The following MYH9 variants were observed in gnomAD, a reference collection of about 807,000 sequenced individuals.
MYH9 encodes myosin-9.
A neutral mutation model predicts 241.9 loss-of-function variants in MYH9; 29 were observed. The ratio of observed to expected loss-of-function variants is 0.12; its 90% CI spans 0.09 to 0.16. The LOEUF (loss-of-function observed/expected upper bound fraction) is 0.16, where lower values mean the gene tolerates loss of function less well. MYH9 is among the 10% of genes least tolerant of loss of function. The pLI, the probability that MYH9 is intolerant of heterozygous loss-of-function variation, is 1.00. For synonymous variants in MYH9, 1,047 were observed against 1,062.6 expected, an observed-to-expected ratio of 0.99 and a Z score of 0.29; for missense variants, 1,803 against 2,595.5, an observed-to-expected ratio of 0.69 and a Z score of 6.63.
chr22:36,292,215 T>G lies in MYH9; in HGVS notation c.4115A>C (p.Lys1372Thr). 1 of 1,614,016 alleles carries G rather than the reference T, an allele frequency of 6.2e-7. No individual in the cohort carries two copies. Among genetic ancestry groups the G allele is most frequent in the Non-Finnish European group, 8.5e-7 (1 of 1,180,034 alleles). The part of the protein sequence containing the change: ...LHAQVADMKK[K>T]MEDSVGCLET... ...CAGGCACCCCACACTGTCCTCCATC[T>G]TCTTTTTCATGTCGGCCACCTGGGC... Residue 1372 changes from lysine to threonine, a missense_variant, in exon 31 of 41, where the codon AAG (lysine) becomes ACG (threonine). Transcript: ENST00000216181.
intron 31 of MYH9, among the ~76,000 whole-genome samples, chr22:36,291,584 G>A (rs2016703930): frequency 6.8e-6 from 1 of 147,856 alleles, no homozygotes. Context: ...GGAGACCTTT[G>A]TTCACTTGTT....
chr22:36,353,612 C>G (rs1040312547), intron 1 of MYH9, among the ~76,000 whole-genome samples: 1 of 152,130 alleles, frequency 6.6e-6, no homozygotes, highest in Non-Finnish European at 1.5e-5. Context: ...CCTTGGACTC[C>G]CAGAGTGCTG....
chr22:36,291,913 T>G, intron 31 of MYH9, 73 bp downstream of exon 31: 1 of 1,608,364 alleles, frequency 6.2e-7, no homozygotes, highest in Non-Finnish European at 8.5e-7. Context: ...AGGCTTTCTC[T>G]GATGGGCCCT....
intron 7 of MYH9, among the ~76,000 whole-genome samples, chr22:36,321,516 C>T (rs570471055): frequency 2.0e-4 from 30 of 152,302 alleles, no homozygotes; most frequent in East Asian, 3.9e-4. Flanking sequence ...CCACACTAGA[C>T]GGCTTTCAAC....
rs375024579 is a variant in MYH9 at position 36,336,115 on chromosome 22, A to C, written c.490+5255T>G. Reference sequence around the variant, plus strand: ...TCAGACAAGTTTAGGCCTAGAATGAAAGCAGATCTGCTTCCCCCAAAATGC... The same window carrying C: ...TCAGACAAGTTTAGGCCTAGAATGACAGCAGATCTGCTTCCCCCAAAATGC... On this transcript the variant is annotated intron_variant, in intron 3 of 40. Transcript: ENST00000216181. Among the ~76,000 whole-genome samples, 33 of 152,314 alleles carry C rather than the reference A, an allele frequency of 2.2e-4. No homozygotes were observed. The South Asian group carries it at 2.9e-3, about 13-fold the overall frequency.
rs764827587 is a variant in MYH9 at position 36,285,694 on chromosome 22, C to G, written c.5238G>C (p.Glu1746Asp). 1.2e-6 allele frequency: 2 copies of G among 1,613,048 alleles called. No homozygotes were observed. Among genetic ancestry groups the G allele is most frequent in the East Asian group, 2.2e-5 (1 of 44,872 alleles). The change falls in exon 37 of 41, where the codon GAG becomes GAC. Residue 1746 changes from glutamate (E) to aspartate (D), a missense_variant. Transcript: ENST00000216181. The surrounding 1 kb of genome is among the most constrained non-coding windows in gnomAD (Gnocchi z 7.0). ...EELEEEQGNT[E>D]LINDRLKKAN... ...CCTTCTTCAGCCGGTCGTTGATCAGCTCCGTGTTGCCCTGCTCCTCCTCCA... is the reference window on the plus strand; with the variant it reads ...CCTTCTTCAGCCGGTCGTTGATCAGGTCCGTGTTGCCCTGCTCCTCCTCCA...
intron 3 of MYH9, among the ~76,000 whole-genome samples, chr22:36,340,973 G>A (rs1250163829): frequency 1.3e-5 from 2 of 151,982 alleles, no homozygotes; most frequent in Non-Finnish European, 2.9e-5. Flanking sequence ...TTTGTGTAGA[G>A]ATGGGAAGAA....
At chr22:36,356,933 C>T (rs2017865892) in intron 1 of MYH9, among the ~76,000 whole-genome samples, 1 of 152,246 alleles carries the variant, frequency 6.6e-6, no homozygotes, top group African/African-American at 2.4e-5. Flanking sequence ...GCAGAAACTC[C>T]TTGCTGTGTG....
At chr22:36,376,241 G>C (rs1279223236) in intron 1 of MYH9, among the ~76,000 whole-genome samples, 1 of 152,050 alleles carries the variant, frequency 6.6e-6, no homozygotes, top group African/African-American at 2.4e-5. Context: ...GATTACAGGC[G>C]TGAGCCACCG....
intron 4 of MYH9, among the ~76,000 whole-genome samples, chr22:36,326,910 G>A (rs1235270207): frequency 6.6e-6 from 1 of 152,238 alleles, no homozygotes; most frequent in Non-Finnish European, 1.5e-5. Context: ...GTCAGGGCAA[G>A]TGACTTCACA....
At chr22:36,316,434 T>C in intron 12 of MYH9, 83 bp downstream of exon 12, 2 of 1,599,432 alleles carry the variant, frequency 1.3e-6, no homozygotes, top group Non-Finnish European at 1.7e-6. Flanking sequence ...TGCAGGACCA[T>C]GAGAAGCAGG....
rs1207813150 is a variant in MYH9 at position 36,295,620 on chromosome 22, G to A, written c.3370C>T (p.Arg1124Cys). ...SELQEDLESE[R>C]ASRNKAEKQK... ...TTCTCAGCTTTATTCCTGGAAGCAC[G>A]CTCAGACTCCAGGTCTTCCTGGAGT... The change falls in exon 26 of 41, where the codon CGT becomes TGT. Residue 1124 changes from arginine to cysteine, a missense_variant. Coordinates refer to ENST00000216181, the MANE Select transcript of MYH9 (RefSeq NM_002473.6). This position sits in a 1 kb window ranked among gnomAD's most constrained non-coding sequence, Gnocchi z 4.1. The A allele has an allele frequency of 2.5e-6, 4 of 1,613,834 alleles. No individual in the cohort carries two copies. The highest frequency in any genetic ancestry group is 3.4e-6 in the Non-Finnish European group (4 of 1,179,932).
chr22:36,322,071 G>T, intron 6 of MYH9: 1 of 591,864 alleles, frequency 1.7e-6, no homozygotes, highest in South Asian at 2.0e-5. Context: ...AGGTTCCTCC[G>T]CAGAGGGGGA....
intron 1 of MYH9, among the ~76,000 whole-genome samples, chr22:36,353,003 C>T (rs1276029692): frequency 6.6e-6 from 1 of 152,116 alleles, no homozygotes; most frequent in Non-Finnish European, 1.5e-5. Context: ...TATGAAAGCC[C>T]CCTCGGCCAC....
intron 1 of MYH9, among the ~76,000 whole-genome samples, chr22:36,358,872 C>T (rs1002744790): frequency 6.6e-6 from 1 of 152,224 alleles, no homozygotes; most frequent in African/African-American, 2.4e-5. Context: ...GACAGCTCCA[C>T]ACCTTCACCA....
chr22:36,352,246 C>T (rs1476909548), intron 1 of MYH9, among the ~76,000 whole-genome samples: 1 of 152,124 alleles, frequency 6.6e-6, no homozygotes, highest in Non-Finnish European at 1.5e-5. Context: ...CAAATATTTG[C>T]CGGATGTTAT....
At chr22:36,334,476 G>A (rs180885123) in intron 3 of MYH9, among the ~76,000 whole-genome samples, 100 of 152,346 alleles carry the variant, frequency 6.6e-4, no homozygotes, top group Admixed American at 1.0e-3. Context: ...TCAGCTCTGC[G>A]TGGACCAGAC....
At chr22:36,307,179 C>G (rs2016983634) in intron 15 of MYH9, among the ~76,000 whole-genome samples, 1 of 152,146 alleles carries the variant, frequency 6.6e-6, no homozygotes. Flanking sequence ...AGGGAGAGCT[C>G]CAAAGAACTG....
At position 36,300,299 on chromosome 22, in the gene MYH9, G is replaced by A. The variant is rs2016856420; in HGVS notation, c.2839-35C>T. On this transcript the variant is annotated intron_variant, in intron 22 of 40. Transcript: ENST00000216181. The surrounding 1 kb of genome is among the most constrained non-coding windows in gnomAD (Gnocchi z 5.0). Reference sequence around the variant, plus strand: ...GCCAGAGACACGGTAAGGACAGCAGGCCCAGAGGCATGGCCAAGGTGAAGG... The same window carrying A: ...GCCAGAGACACGGTAAGGACAGCAGACCCAGAGGCATGGCCAAGGTGAAGG... The A allele has an allele frequency of 1.2e-6, 2 of 1,609,860 alleles. No individual in the cohort carries two copies. The highest frequency in any genetic ancestry group is 1.7e-6 in the Non-Finnish European group (2 of 1,180,036).
Sources: allele counts gnomAD v4.1 joint callset (sites outside exome capture counted in the v4.1 genomes callset), GRCh38; gene constraint gnomAD v4.1.1; non-coding constraint Gnocchi (gnomAD v3.1); transcripts MANE v1.5; gene names NCBI Gene and HGNC (gene_info 2026-07-23, HGNC 2026-07-21).